The following CREBBP variants were observed in gnomAD, a reference collection of about 807,000 sequenced individuals.
The protein encoded by CREBBP is CREB binding lysine acetyltransferase, also known as CREB-binding protein.
A neutral mutation model predicts 265.0 loss-of-function variants in CREBBP; 19 were observed. That is an observed-to-expected ratio of 0.07 (90% CI 0.05 to 0.11). The LOEUF (loss-of-function observed/expected upper bound fraction) is 0.11, where lower values mean the gene tolerates loss of function less well. CREBBP is among the 10% of genes least tolerant of loss of function. The probability of loss-of-function intolerance (pLI) is 1.00; values close to 1 mark genes in which losing one functional copy is unlikely to be tolerated. For missense variants in CREBBP, 2,525 were observed against 3,219.0 expected (o/e 0.78, Z 5.22); for synonymous variants, 1,457 against 1,223.7 (o/e 1.19, Z -3.98).
chr16:3,748,170 T>C (rs1033904612), intron 21 of CREBBP, among the ~76,000 whole-genome samples: 4 of 151,652 alleles, frequency 2.6e-5, no homozygotes, highest in African/African-American at 9.7e-5. Flanking sequence ...TCCCAGCCAC[T>C]TGGGAGGCCA....
chr16:3,735,655 A>G (rs2052036547), intron 28 of CREBBP, among the ~76,000 whole-genome samples: 1 of 152,100 alleles, frequency 6.6e-6, no homozygotes, highest in Non-Finnish European at 1.5e-5. Flanking sequence ...AGCGCCAAGG[A>G]GAGAGGGCAG....
At chr16:3,831,415 A>G (rs570370687) in intron 2 of CREBBP, among the ~76,000 whole-genome samples, 1 of 152,326 alleles carries the variant, frequency 6.6e-6, no homozygotes, top group East Asian at 1.9e-4. Flanking sequence ...GAAATGGGGA[A>G]ATAAAAAAGA....
In CREBBP at chr16:3,850,387, G is replaced by A. The variant is rs1455123577; in HGVS notation, c.708C>T (p.Ser236=). The change falls in exon 2 of 31, where the codon AGC becomes AGT. Residue 236 remains serine, a synonymous_variant. Transcript: ENST00000262367. ...GCGTTAGGGTCTCAGCCAGCACGCT[G>A]CTCGAGGCGCCCTGCATGGCTGGAG... ...YPTPAMQGAS[S]SVLAETLTQV... 1 of 1,614,238 alleles carries A rather than the reference G, an allele frequency of 6.2e-7. No individual in the cohort carries two copies. Among genetic ancestry groups the A allele is most frequent in the South Asian group, 1.1e-5 (1 of 91,090 alleles).
intron 18 of CREBBP, among the ~76,000 whole-genome samples, chr16:3,757,581 C>A (rs1041896502): frequency 1.3e-5 from 2 of 152,170 alleles, no homozygotes; most frequent in Non-Finnish European, 2.9e-5. Flanking sequence ...ACAGGTACCA[C>A]AGGCAGAGAG....
At chr16:3,862,614 A>T (rs2055100185) in intron 1 of CREBBP, among the ~76,000 whole-genome samples, 1 of 152,194 alleles carries the variant, frequency 6.6e-6, no homozygotes, top group African/African-American at 2.4e-5. Context: ...GACCTTCCCC[A>T]AGAAGTCCAT....
chr16:3,782,097 G>T (rs1362472998), intron 6 of CREBBP, among the ~76,000 whole-genome samples: 1 of 152,198 alleles, frequency 6.6e-6, no homozygotes, highest in Non-Finnish European at 1.5e-5. Context: ...TCCACTTAAA[G>T]AAAAATATTA....
Position 3,850,352 on chromosome 16 carries a change from G to A in CREBBP, c.743C>T (p.Pro248Leu), listed in dbSNP as rs374499169. The part of the protein sequence containing the change: ...VLAETLTQVS[P>L]QMTGHAGLNT... ...CAGTCCCGCGTGACCAGTCATTTGC[G>A]GGGAAACCTGCGTTAGGGTCTCAGC... Residue 248 changes from proline (P) to leucine (L), a missense_variant, in exon 2 of 31, where the codon CCG (proline) becomes CTG (leucine). Physicochemically the swap from Pro to Leu is moderately conservative, Grantham distance 98. Transcript: ENST00000262367. The A allele has an allele frequency of 1.8e-5, 29 of 1,614,098 alleles. No individual in the cohort carries two copies. The highest frequency in any genetic ancestry group is 1.2e-4 in the African/African-American group (9 of 74,918).
At chr16:3,762,737 T>C (rs2052752701) in intron 16 of CREBBP, among the ~76,000 whole-genome samples, 2 of 151,972 alleles carry the variant, frequency 1.3e-5, no homozygotes, top group Admixed American at 6.6e-5. Flanking sequence ...CGAATAATAT[T>C]ACAAAAAATA....
At chr16:3,862,954 C>T (rs1201448919) in intron 1 of CREBBP, among the ~76,000 whole-genome samples, 2 of 152,098 alleles carry the variant, frequency 1.3e-5, no homozygotes, top group East Asian at 1.9e-4. Context: ...CTCTTTTACA[C>T]GGAAATGTGC....
At chr16:3,775,127 A>G (rs2053106412) in intron 11 of CREBBP, among the ~76,000 whole-genome samples, 1 of 152,198 alleles carries the variant, frequency 6.6e-6, no homozygotes, top group Non-Finnish European at 1.5e-5. Context: ...TTCTGTGCAC[A>G]CCCATACCTA....
At chr16:3,774,187 T>TATA (rs747461705) in intron 12 of CREBBP, among the ~76,000 whole-genome samples, 1 of 152,210 alleles carries the variant, frequency 6.6e-6, no homozygotes, top group Admixed American at 6.5e-5. Context: ...AATAGCAGGC[T>TATA]ATAATTTAAA....
At position 3,766,823 on chromosome 16, in the gene CREBBP, A is replaced by C. The variant is rs377035965; in HGVS notation, c.3250+897T>G. ...ATTACAGGTGTAAGCCACTGTACTC[A>C]AATTTCTCAACTTTAGTTTCCAGTA... On this transcript the variant is annotated intron_variant, in intron 16 of 30. Coordinates refer to ENST00000262367, the MANE Select transcript of CREBBP (RefSeq NM_004380.3). Among the ~76,000 whole-genome samples the C allele has an allele frequency of 1.1e-4, 16 of 152,232 alleles. No individual in the cohort carries two copies. The East Asian group carries it at 3.1e-3, about 29-fold the overall frequency.
chr16:3,774,228 T>C (rs965208505), intron 12 of CREBBP, among the ~76,000 whole-genome samples: 1 of 152,182 alleles, frequency 6.6e-6, no homozygotes, highest in Non-Finnish European at 1.5e-5. Flanking sequence ...TTCTCTAAAG[T>C]GTTTAGAAAG....
At chr16:3,812,887 G>A (rs1287230374) in intron 2 of CREBBP, 2 of 195,810 alleles carry the variant, frequency 1.0e-5, no homozygotes, top group African/African-American at 2.3e-5. Context: ...ACCTCCCAGG[G>A]GTGAGTTTCC....
At position 3,727,592 on chromosome 16, in the gene CREBBP, A is replaced by C; in HGVS notation, c.*126T>G. 2 of 1,507,922 alleles carry C rather than the reference A, an allele frequency of 1.3e-6. No individual in the cohort carries two copies. Among genetic ancestry groups the C allele is most frequent in the Non-Finnish European group, 1.8e-6 (2 of 1,106,794 alleles). 93.4% of individuals were successfully genotyped at this position (1,507,922 alleles called of 1,614,324 possible). On this transcript the variant is annotated 3_prime_UTR_variant, in exon 31 of 31. Coordinates refer to ENST00000262367, the MANE Select transcript of CREBBP (RefSeq NM_004380.3). ...TATTCTTTGTATTGTTTCTTTAAACATCAATCCACCCTTCCATGGCTCGGA... is the reference window on the plus strand; with the variant it reads ...TATTCTTTGTATTGTTTCTTTAAACCTCAATCCACCCTTCCATGGCTCGGA...
chr16:3,852,957 T>C lies in CREBBP; in HGVS notation c.86-1948A>G, dbSNP rs1466780703. 3.3e-5 allele frequency among the ~76,000 whole-genome samples: 5 copies of C among 150,456 alleles called. No homozygotes were observed. In the East Asian group the frequency reaches 9.7e-4, roughly 29 times the overall value. On this transcript the variant is annotated intron_variant, in intron 1 of 30. Coordinates refer to ENST00000262367, the MANE Select transcript of CREBBP (RefSeq NM_004380.3). The stretch of plus-strand genomic sequence containing the variant: ...GAAATATGTTCATCTTAGTATTATC[T>C]GTAGCATCCAAAAAAAAAAAAAAAG...
At chr16:3,859,934 T>C (rs563801559) in intron 1 of CREBBP, among the ~76,000 whole-genome samples, 5 of 152,326 alleles carry the variant, frequency 3.3e-5, no homozygotes, top group Non-Finnish European at 5.9e-5. Context: ...AGTAAATTAA[T>C]TGAACCCAAG....
At position 3,877,779 on chromosome 16, in the gene CREBBP, G is replaced by A. The variant is rs548298129; in HGVS notation, c.85+2053C>T. Among the ~76,000 whole-genome samples, 162 of 152,344 alleles carry A rather than the reference G, an allele frequency of 1.1e-3. 1 individual carries two copies. The highest frequency in any genetic ancestry group is 3.7e-3 in the African/African-American group (154 of 41,580). On this transcript the variant is annotated intron_variant, in intron 1 of 30. Coordinates refer to ENST00000262367, the MANE Select transcript of CREBBP (RefSeq NM_004380.3). ...CTAACAGACCCTTTCACAATAGTGT[G>A]ATGGTGATGAATGTGTAACACATGA...
In CREBBP at chr16:3,728,258, C is replaced by T. The variant is rs773030588; in HGVS notation, c.6789G>A (p.Gln2263=). 1 of 1,612,672 alleles carries T rather than the reference C, an allele frequency of 6.2e-7. No homozygotes were observed. The part of the protein sequence containing the change: ...HLPLQGSSMG[Q]MAAQMGQLGQ... ...CAAGCTGTCCCATCTGAGCCGCCAT[C>T]TGGCCCATGGAGCTGCCCTGGAGGG... The change falls in exon 31 of 31, where the codon CAG becomes CAA. Residue 2263 remains glutamine (Q), a synonymous_variant. Coordinates refer to ENST00000262367, the MANE Select transcript of CREBBP (RefSeq NM_004380.3). This position sits in a 1 kb window ranked among gnomAD's most constrained non-coding sequence, Gnocchi z 8.7.
Sources: gnomAD v4.1 joint callset for allele counts (sites outside exome capture counted in the v4.1 genomes callset) on GRCh38, gnomAD v4.1.1 for gene constraint, Gnocchi (gnomAD v3.1) non-coding constraint, MANE v1.5 for transcripts, NCBI Gene and HGNC (gene_info 2026-07-23, HGNC 2026-07-21) for gene names.